The following SCRG1 variants were observed in gnomAD, a reference collection of about 807,000 sequenced individuals.
SCRG1 encodes the protein scrapie-responsive protein 1.
Under a neutral mutation model 7.7 loss-of-function variants are expected in SCRG1, and 3 were observed. The ratio of observed to expected loss-of-function variants is 0.39; its 90% CI spans 0.18 to 1.01. The LOEUF is 1.01. Among genes scored for constraint, SCRG1 ranks in the 50% least tolerant of loss-of-function variants. The pLI, the probability that SCRG1 is intolerant of heterozygous loss-of-function variation, is 0.36. For missense variants in SCRG1, 110 were observed against 117.2 expected (o/e 0.94, Z 0.28); for synonymous variants, 46 against 41.2 (o/e 1.12, Z -0.44).
chr4:173,399,071 TTTC>T lies in SCRG1; in HGVS notation c.-21_-19del, dbSNP rs771608902. 2.2e-4 allele frequency: 34 copies of T among 152,346 alleles called. No homozygotes were observed. Among genetic ancestry groups the T allele is most frequent in the Admixed American group, 5.2e-4 (8 of 15,308 alleles). 9.4% of individuals were successfully genotyped at this position (152,346 alleles called of 1,614,324 possible). On this transcript the variant is annotated 5_prime_UTR_variant, in exon 1 of 3. Coordinates refer to ENST00000296506, the MANE Select transcript of SCRG1 (RefSeq NM_007281.4). ...TTATAGAGAAAAAATTACATACCTTTTTCTTCTTTCCTTTTGGTCTTGGCAGAG... is the reference window on the plus strand; with the variant it reads ...TTATAGAGAAAAAATTACATACCTTTTTCTTTCCTTTTGGTCTTGGCAGAG...
chr4:173,488,460 G>A, the SCRG1 span, among the ~76,000 whole-genome samples: 34 of 152,252 alleles, frequency 2.2e-4, 1 homozygote, highest in South Asian at 7.1e-3. Context: ...TTTCTTGAAT[G>A]TTCACTCAAA....
the SCRG1 span, among the ~76,000 whole-genome samples, chr4:173,490,572 C>T: frequency 1.3e-5 from 2 of 152,188 alleles, no homozygotes; most frequent in African/African-American, 4.8e-5. Context: ...TCCCATTTCA[C>T]GTGGAGTTGC....
the SCRG1 span, among the ~76,000 whole-genome samples, chr4:173,515,278 C>T: frequency 6.6e-6 from 1 of 152,122 alleles, no homozygotes. The surrounding 1 kb of genome is among the most constrained non-coding windows in gnomAD (Gnocchi z 4.6). Flanking sequence ...GAATGCCTTC[C>T]AACAAATAAA....
the SCRG1 span, among the ~76,000 whole-genome samples, chr4:173,485,215 A>G: frequency 6.4e-5 from 2 of 31,350 alleles, no homozygotes; most frequent in Non-Finnish European, 2.0e-4. Flanking sequence ...TATTATATAT[A>G]GGATAAATTT....
chr4:173,509,157 A>G, the SCRG1 span, among the ~76,000 whole-genome samples: 1 of 152,112 alleles, frequency 6.6e-6, no homozygotes, highest in Non-Finnish European at 1.5e-5. The surrounding 1 kb of genome is among the most constrained non-coding windows in gnomAD (Gnocchi z 5.7). Context: ...TCTCATGCAA[A>G]TAACTCAACA....
At chr4:173,416,845 C>A in the SCRG1 span, among the ~76,000 whole-genome samples, 2 of 151,334 alleles carry the variant, frequency 1.3e-5, no homozygotes, top group Admixed American at 6.6e-5. Context: ...AGAATATACA[C>A]ATAAGAAGAA....
the SCRG1 span, among the ~76,000 whole-genome samples, chr4:173,496,973 G>C: frequency 6.6e-6 from 1 of 151,796 alleles, no homozygotes; most frequent in Non-Finnish European, 1.5e-5. Flanking sequence ...AGGTGTGGTG[G>C]TGGGCGCCTG....
chr4:173,471,865 A>G, the SCRG1 span, among the ~76,000 whole-genome samples: 1 of 152,080 alleles, frequency 6.6e-6, no homozygotes, highest in Non-Finnish European at 1.5e-5. Context: ...ATGCCCCACC[A>G]CGCCCAGCTA....
chr4:173,395,985 C>T (rs1560831982), intron 1 of SCRG1, among the ~76,000 whole-genome samples: 1 of 152,078 alleles, frequency 6.6e-6, no homozygotes, highest in Non-Finnish European at 1.5e-5. Flanking sequence ...CTGATTTATG[C>T]CTTTTTAAAA....
the SCRG1 span, among the ~76,000 whole-genome samples, chr4:173,486,413 G>A: frequency 1.3e-5 from 2 of 151,978 alleles, no homozygotes; most frequent in Non-Finnish European, 1.5e-5. Flanking sequence ...GCCATGTATC[G>A]TAGGCTTTCT....
At chr4:173,470,429 T>A in the SCRG1 span, among the ~76,000 whole-genome samples, 1 of 152,212 alleles carries the variant, frequency 6.6e-6, no homozygotes, top group Admixed American at 6.5e-5. Flanking sequence ...TCAGTCATAC[T>A]GACGTGTCAG....
At chr4:173,425,446 A>G in the SCRG1 span, among the ~76,000 whole-genome samples, 10 of 152,236 alleles carry the variant, frequency 6.6e-5, no homozygotes, top group Non-Finnish European at 1.3e-4. Context: ...TAGTTTTCCA[A>G]TGCAGTAAAC....
the SCRG1 span, among the ~76,000 whole-genome samples, chr4:173,440,529 G>A: frequency 6.6e-6 from 1 of 152,162 alleles, no homozygotes; most frequent in Non-Finnish European, 1.5e-5. Flanking sequence ...AGTAAGCTAT[G>A]CTTTTCTCTC....
chr4:173,416,507 A>G, the SCRG1 span, among the ~76,000 whole-genome samples: 7 of 152,228 alleles, frequency 4.6e-5, no homozygotes, highest in Non-Finnish European at 8.8e-5. Context: ...GGTCCGGGTG[A>G]CTGAGGAGAC....
chr4:173,511,332 AGT>A, the SCRG1 span, among the ~76,000 whole-genome samples: 1 of 152,288 alleles, frequency 6.6e-6, no homozygotes, highest in South Asian at 2.1e-4. This position sits in a 1 kb window ranked among gnomAD's most constrained non-coding sequence, Gnocchi z 5.2. Flanking sequence ...ACGTTCAGGA[AGT>A]GGTGGAGATA....
the SCRG1 span, among the ~76,000 whole-genome samples, chr4:173,481,563 G>C: frequency 6.6e-6 from 1 of 151,974 alleles, no homozygotes; most frequent in African/African-American, 2.4e-5. Flanking sequence ...AAGTGTGTCT[G>C]GCTCTCCTGC....
the SCRG1 span, among the ~76,000 whole-genome samples, chr4:173,466,136 A>G: frequency 6.6e-6 from 1 of 152,208 alleles, no homozygotes; most frequent in Admixed American, 6.5e-5. Context: ...AATCCTGTGC[A>G]ACTTCAGAGA....
At chr4:173,485,053 T>C in the SCRG1 span, among the ~76,000 whole-genome samples, 2 of 7,034 alleles carry the variant, frequency 2.8e-4, 1 homozygote, top group Non-Finnish European at 6.3e-4. Flanking sequence ...TTATATAATA[T>C]ATTATATATT....
At chr4:173,484,840 A>G in the SCRG1 span, among the ~76,000 whole-genome samples, 11 of 84,746 alleles carry the variant, frequency 1.3e-4, no homozygotes, top group South Asian at 1.1e-3. Flanking sequence ...TATGTACAAT[A>G]TATTATATAT....
Sources: allele counts gnomAD v4.1 joint callset (sites outside exome capture counted in the v4.1 genomes callset), GRCh38; gene constraint gnomAD v4.1.1; non-coding constraint Gnocchi (gnomAD v3.1); transcripts MANE v1.5; gene names NCBI Gene and HGNC (gene_info 2026-07-23, HGNC 2026-07-21).